The following PTPRS variants were observed in gnomAD, a reference collection of about 807,000 sequenced individuals.
PTPRS encodes protein tyrosine phosphatase receptor type S.
In PTPRS, 63 loss-of-function variants were observed where a neutral mutation model predicts 215.3. The ratio of observed to expected loss-of-function variants is 0.29; its 90% confidence interval spans 0.24 to 0.36. The LOEUF (loss-of-function observed/expected upper bound fraction) is 0.36. Among genes scored for constraint, PTPRS ranks in the 10% least tolerant of loss-of-function variants. PTPRS has a pLI of 1.00. For synonymous variants in PTPRS, 1,404 were observed against 1,191.4 expected (o/e 1.18, Z -3.68); for missense variants, 2,258 against 2,825.8 (o/e 0.80, Z 4.56).
intron 16 of PTPRS, among the ~76,000 whole-genome samples, chr19:5,227,092 G>T (rs953967573): frequency 1.3e-5 from 2 of 152,080 alleles, no homozygotes; most frequent in African/African-American, 4.8e-5. Flanking sequence ...CTGTCGCCCA[G>T]GCTGGAGTGC....
At chr19:5,221,357 TG>T in intron 19 of PTPRS, 104 bp from the exon 20 acceptor site, 1 of 1,443,382 alleles carries the variant, frequency 6.9e-7, no homozygotes, top group Non-Finnish European at 9.3e-7. Context: ...CTGATCCCAC[TG>T]AATCCTGCCC....
At chr19:5,218,577 G>C (rs1205048490) in intron 24 of PTPRS, 45 bp from the exon 25 acceptor site, 1 of 1,587,388 alleles carries the variant, frequency 6.3e-7, no homozygotes, top group Non-Finnish European at 8.7e-7. Context: ...AGTGGCACAT[G>C]TTCATGTGTG....
intron 1 of PTPRS, among the ~76,000 whole-genome samples, chr19:5,299,278 C>A (rs2049232249): frequency 6.6e-6 from 1 of 152,194 alleles, no homozygotes; most frequent in African/African-American, 2.4e-5. Context: ...CCATTCCTCC[C>A]TCTCTCCCCC....
chr19:5,205,868 G>A lies in PTPRS; in HGVS notation c.*906C>T, dbSNP rs1022648370. On this transcript the variant is annotated 3_prime_UTR_variant, in exon 38 of 38. Coordinates refer to ENST00000262963, the MANE Select transcript of PTPRS (RefSeq NM_002850.4). ...GTCATCTCTCTCCTCTTACAGCAGCGTCCCCCTCAACCGCACCCAACGCCA... is the reference window on the plus strand; with the variant it reads ...GTCATCTCTCTCCTCTTACAGCAGCATCCCCCTCAACCGCACCCAACGCCA... Among the ~76,000 whole-genome samples, 8 of 151,794 alleles carry A rather than the reference G, an allele frequency of 5.3e-5. No homozygotes were observed. The highest frequency in any genetic ancestry group is 1.0e-4 in the Non-Finnish European group (7 of 67,986).
chr19:5,244,589 C>T lies in PTPRS; in HGVS notation c.989-107G>A. 1 of 903,626 alleles carries T rather than the reference C, an allele frequency of 1.1e-6. No individual in the cohort carries two copies. Among genetic ancestry groups the T allele is most frequent in the Middle Eastern group, 2.3e-4 (1 of 4,306 alleles). 56.0% of individuals were successfully genotyped at this position (903,626 alleles called of 1,614,324 possible). ...TCGCCTTCTCTGAGCCTTGATTTGC[C>T]CAGCAGTAATCATGGGCCTCATGAC... On this transcript the variant is annotated intron_variant, in intron 10 of 37. Transcript: ENST00000262963. The surrounding 1 kb of genome is among the most constrained non-coding windows in gnomAD (Gnocchi z 7.2).
chr19:5,308,885 G>T (rs1336130820), intron 1 of PTPRS, among the ~76,000 whole-genome samples: 2 of 152,202 alleles, frequency 1.3e-5, no homozygotes, highest in African/African-American at 4.8e-5. Context: ...GTATGTTCGT[G>T]TGTATATAAT....
At chr19:5,303,049 G>A (rs1024423798) in intron 1 of PTPRS, among the ~76,000 whole-genome samples, 2 of 151,976 alleles carry the variant, frequency 1.3e-5, no homozygotes, top group Non-Finnish European at 2.9e-5. Context: ...CAGCCTGGGC[G>A]ACAGAGAGAG....
intron 6 of PTPRS, 127 bp from the exon 7 acceptor site, chr19:5,260,949 G>T: frequency 8.7e-7 from 1 of 1,145,968 alleles, no homozygotes; most frequent in Non-Finnish European, 1.3e-6. Flanking sequence ...AGGGGATCGA[G>T]CCAGCCCTGG....
At chr19:5,277,395 C>T (rs575407453) in intron 2 of PTPRS, among the ~76,000 whole-genome samples, 7 of 152,140 alleles carry the variant, frequency 4.6e-5, no homozygotes, top group African/African-American at 1.7e-4. Flanking sequence ...GTGGCTCATG[C>T]CTGTAATCCC....
chr19:5,243,034 G>A (rs1322793748), intron 11 of PTPRS, among the ~76,000 whole-genome samples: 1 of 151,848 alleles, frequency 6.6e-6, no homozygotes, highest in Non-Finnish European at 1.5e-5. Context: ...GTCCAGGCTG[G>A]ACTGAAACTC....
At chr19:5,284,977 G>C (rs1034224686) in intron 2 of PTPRS, among the ~76,000 whole-genome samples, 13 of 152,068 alleles carry the variant, frequency 8.5e-5, no homozygotes, top group Non-Finnish European at 1.6e-4. Flanking sequence ...AAAAAAAGCA[G>C]CATGAAAATA....
At position 5,205,981 on chromosome 19, in the gene PTPRS, G is replaced by A. The variant is rs2040334341; in HGVS notation, c.*793C>T. 7.0e-6 allele frequency among the ~76,000 whole-genome samples: 1 copy of A among 141,974 alleles called. No individual in the cohort carries two copies. The highest frequency in any genetic ancestry group is 1.6e-5 in the Non-Finnish European group (1 of 64,486). 93.1% of individuals were successfully genotyped at this position (141,974 alleles called of 152,430 possible). ...ATTTATAAAAATGAAACAAAAAGGG[G>A]GAAAAAAAAAGCCAAGAAAGAAAAA... On this transcript the variant is annotated 3_prime_UTR_variant, in exon 38 of 38. Transcript: ENST00000262963.
At position 5,327,068 on chromosome 19, in the gene PTPRS, G is replaced by T. The variant is rs146224451; in HGVS notation, c.-95+13596C>A. Among the ~76,000 whole-genome samples the T allele has an allele frequency of 6.6e-4, 100 of 152,250 alleles. 1 individual carries two copies. Among genetic ancestry groups the T allele is most frequent in the African/African-American group, 2.1e-3 (89 of 41,566 alleles). On this transcript the variant is annotated intron_variant, in intron 1 of 37. Coordinates refer to ENST00000262963, the MANE Select transcript of PTPRS (RefSeq NM_002850.4). ...GCTGAGGTGGTCCAAGGGTAGCCCC[G>T]CTCGCACTCCCAGCCCAGCTCCTGC... is the stretch of plus-strand genomic sequence containing the variant.
At chr19:5,214,225 A>C in intron 30 of PTPRS, 136 bp downstream of exon 30, 1 of 1,262,742 alleles carries the variant, frequency 7.9e-7, no homozygotes, top group Non-Finnish European at 1.1e-6. Context: ...TTCCATGAGA[A>C]TGTAGTCAGC....
At chr19:5,274,711 T>C (rs1011211227) in intron 2 of PTPRS, among the ~76,000 whole-genome samples, 1 of 152,122 alleles carries the variant, frequency 6.6e-6, no homozygotes, top group Non-Finnish European at 1.5e-5. Context: ...ACCTGTGAGA[T>C]GCTGGGGTCC....
At chr19:5,221,992 C>A in intron 19 of PTPRS, 131 bp downstream of exon 19, 1 of 719,414 alleles carries the variant, frequency 1.4e-6, no homozygotes. Context: ...AGCCTCAATC[C>A]TAGCTGAGAC....
intron 2 of PTPRS, among the ~76,000 whole-genome samples, chr19:5,276,464 C>G (rs1251925763): frequency 6.6e-6 from 1 of 152,040 alleles, no homozygotes; most frequent in Non-Finnish European, 1.5e-5. Context: ...CTCAAGTGAT[C>G]CACCTACCTT....
chr19:5,274,348 G>T lies in PTPRS; in HGVS notation c.92-4C>A. On this transcript the variant is annotated splice_polypyrimidine_tract_variant and splice_region_variant and intron_variant, in intron 2 of 37. Coordinates refer to ENST00000262963, the MANE Select transcript of PTPRS (RefSeq NM_002850.4). ...TCTTTGATAAACCTGGGGGGCTCTG[G>T]GGATACAGTGGAAAGAAGGGGGGGC... is the stretch of plus-strand genomic sequence containing the variant. The T allele has an allele frequency of 6.2e-7, 1 of 1,605,944 alleles. No individual in the cohort carries two copies.
intron 14 of PTPRS, 74 bp downstream of exon 14, chr19:5,231,236 T>C: frequency 1.4e-6 from 2 of 1,459,092 alleles, no homozygotes; most frequent in Non-Finnish European, 9.1e-7. Flanking sequence ...AGCCCAGGTT[T>C]CCAGATGGAA....
Sources: allele counts gnomAD v4.1 joint callset (sites outside exome capture counted in the v4.1 genomes callset), GRCh38; gene constraint gnomAD v4.1.1; non-coding constraint Gnocchi (gnomAD v3.1); transcripts MANE v1.5; gene names NCBI Gene and HGNC (gene_info 2026-07-23, HGNC 2026-07-21).